The following ITGA8 variants were observed in gnomAD, a reference collection of about 807,000 sequenced individuals.
The protein encoded by ITGA8 is integrin subunit alpha 8.
ITGA8 carries 91 observed loss-of-function variants against 142.3 expected under a neutral mutation model. The observed-to-expected ratio is 0.64, with a 90% CI of 0.54 to 0.76. ITGA8 has a LOEUF of 0.76. ITGA8 is among the 30% of genes least tolerant of loss of function. ITGA8 has a pLI of 0.00. For missense variants in ITGA8, 1,406 were observed against 1,327.7 expected, an observed-to-expected ratio of 1.06 and a Z score of -0.92; for synonymous variants, 505 against 485.2, an observed-to-expected ratio of 1.04 and a Z score of -0.54.
intron 26 of ITGA8, among the ~76,000 whole-genome samples, chr10:15,554,939 A>AT (rs1415067684): frequency 2.0e-5 from 3 of 151,884 alleles, no homozygotes; most frequent in South Asian, 2.1e-4. Context: ...TTAAACTTTA[A>AT]TTTTTCAGTT....
At position 15,563,918 on chromosome 10, in the gene ITGA8, CA is replaced by C. The variant is rs928341834; in HGVS notation, c.2638-5717del. 1.2e-3 allele frequency among the ~76,000 whole-genome samples: 111 copies of C among 96,162 alleles called. 1 individual carries two copies. The highest frequency in any genetic ancestry group is 5.5e-3 in the Middle Eastern group (1 of 182). The allele number at this position is 96,162 out of a possible 152,430, so 63.1% of individuals were successfully genotyped here. A position where few individuals can be genotyped will look rare whatever the true frequency, so the allele number is the denominator to read the frequency against. The stretch of plus-strand genomic sequence containing the variant: ...CTGGGTGACAGAGTGAGGCTGTCTC[CA>C]AAAAAAAAAAAAACAAAAACCAATA... On this transcript the variant is annotated intron_variant, in intron 25 of 29. Coordinates refer to ENST00000378076, the MANE Select transcript of ITGA8 (RefSeq NM_003638.3).
intron 28 of ITGA8, among the ~76,000 whole-genome samples, chr10:15,528,001 C>T (rs898790798): frequency 1.1e-4 from 17 of 149,902 alleles, no homozygotes; most frequent in African/African-American, 2.2e-4. Flanking sequence ...CTGCAACCTC[C>T]GCCTCTCAGG....
chr10:15,527,726 G>T (rs572833737), intron 28 of ITGA8, among the ~76,000 whole-genome samples: 4 of 152,156 alleles, frequency 2.6e-5, no homozygotes, highest in African/African-American at 7.2e-5. Context: ...TGTTGAAAAG[G>T]GAGTACAAAC....
intron 8 of ITGA8, among the ~76,000 whole-genome samples, chr10:15,665,894 G>A (rs1834382405): frequency 6.6e-6 from 1 of 152,166 alleles, no homozygotes; most frequent in African/African-American, 2.4e-5. Flanking sequence ...TTTGGTACCA[G>A]TACCATGCTG....
intron 10 of ITGA8, among the ~76,000 whole-genome samples, chr10:15,656,886 T>C (rs1015116118): frequency 6.6e-6 from 1 of 152,198 alleles, no homozygotes; most frequent in Non-Finnish European, 1.5e-5. Context: ...GCAGAGACTT[T>C]GGTCTGTTTT....
intron 2 of ITGA8, among the ~76,000 whole-genome samples, chr10:15,712,825 T>C (rs1425518336): frequency 1.3e-5 from 2 of 152,198 alleles, no homozygotes; most frequent in Non-Finnish European, 2.9e-5. Context: ...TTCAGAATAA[T>C]TTCAAGACTA....
intron 13 of ITGA8, 150 bp downstream of exon 13, chr10:15,643,880 C>T (rs1436428722): frequency 2.6e-5 from 16 of 606,672 alleles, no homozygotes; most frequent in Non-Finnish European, 4.5e-5. Context: ...ATGAAAGTCG[C>T]TCTGGAATCG....
At chr10:15,594,423 A>C (rs921676568) in intron 21 of ITGA8, among the ~76,000 whole-genome samples, 1 of 152,104 alleles carries the variant, frequency 6.6e-6, no homozygotes, top group Non-Finnish European at 1.5e-5. Flanking sequence ...TGAAGGTTGT[A>C]TGTTTTTATC....
chr10:15,684,691 T>C (rs9333091), intron 3 of ITGA8, among the ~76,000 whole-genome samples: 2,844 of 152,244 alleles, frequency 0.019, 95 homozygotes, highest in African/African-American at 0.065. Context: ...AATTAAATTT[T>C]TTTTTTTTGC....
chr10:15,629,049 C>T (rs1833638069), intron 13 of ITGA8, among the ~76,000 whole-genome samples: 2 of 151,708 alleles, frequency 1.3e-5, no homozygotes, highest in African/African-American at 4.9e-5. Flanking sequence ...ATTTAGGTAC[C>T]CCTACTCACG....
At chr10:15,540,011 C>T (rs1430150836) in intron 27 of ITGA8, among the ~76,000 whole-genome samples, 1 of 152,130 alleles carries the variant, frequency 6.6e-6, no homozygotes, top group Non-Finnish European at 1.5e-5. Context: ...CATGCTTTTG[C>T]TTCTCCTTTG....
intron 26 of ITGA8, among the ~76,000 whole-genome samples, chr10:15,551,932 A>C (rs1833798957): frequency 6.6e-6 from 1 of 152,182 alleles, no homozygotes; most frequent in Admixed American, 6.5e-5. Flanking sequence ...CTTGGCCTTC[A>C]TCTGAGAGTT....
chr10:15,658,121 G>C (rs1413153913), intron 10 of ITGA8, among the ~76,000 whole-genome samples: 1 of 152,066 alleles, frequency 6.6e-6, no homozygotes, highest in Non-Finnish European at 1.5e-5. Context: ...TACAATCCTT[G>C]ATTTATTTCA....
intron 29 of ITGA8, among the ~76,000 whole-genome samples, chr10:15,517,753 G>T (rs1159701624): frequency 6.6e-6 from 1 of 152,372 alleles, no homozygotes; most frequent in East Asian, 1.9e-4. Flanking sequence ...GTGAGCAGGA[G>T]GGCAGAGTGC....
At chr10:15,703,437 T>C (rs181971717) in intron 2 of ITGA8, among the ~76,000 whole-genome samples, 64 of 152,352 alleles carry the variant, frequency 4.2e-4, no homozygotes, top group Non-Finnish European at 7.8e-4. Flanking sequence ...GACTAAGTAG[T>C]ATGTATGATT....
rs1395632577 is a variant in ITGA8 at position 15,569,209 on chromosome 10, T to C, written c.2637+3002A>G. 2.0e-5 allele frequency among the ~76,000 whole-genome samples: 3 copies of C among 152,168 alleles called. No homozygotes were observed. The East Asian group carries it at 5.8e-4, about 29-fold the overall frequency. ...AATGGAATGATTAAAGAGGAAAACG[T>C]AGGAAGGAAATGGCCAATCCCTCAG... On this transcript the variant is annotated intron_variant, in intron 25 of 29. Transcript: ENST00000378076.
At chr10:15,639,605 C>A (rs1768797276) in intron 13 of ITGA8, among the ~76,000 whole-genome samples, 1 of 152,216 alleles carries the variant, frequency 6.6e-6, no homozygotes, top group Non-Finnish European at 1.5e-5. Context: ...CTCACCCCAC[C>A]CGCTTGATCT....
intron 28 of ITGA8, among the ~76,000 whole-genome samples, chr10:15,523,027 A>C (rs907356741): frequency 2.0e-5 from 3 of 152,174 alleles, no homozygotes; most frequent in African/African-American, 7.2e-5. Flanking sequence ...AAAAAAAAAA[A>C]AATTATTATC....
chr10:15,593,839 ATT>A (rs35907545), intron 21 of ITGA8, among the ~76,000 whole-genome samples: 7,524 of 137,122 alleles, frequency 0.055, 440 homozygotes, highest in East Asian at 0.17. Flanking sequence ...CCCAGCAAAG[ATT>A]TTTTTTTTTT....
Sources: allele counts gnomAD v4.1 joint callset (sites outside exome capture counted in the v4.1 genomes callset), GRCh38; gene constraint gnomAD v4.1.1; transcripts MANE v1.5; gene names NCBI Gene and HGNC (gene_info 2026-07-23, HGNC 2026-07-21).